Variants in DNAH10 observed in about 807,000 individuals in gnomAD.
DNAH10 encodes the protein dynein axonemal heavy chain 10, also known as axonemal beta dynein heavy chain 10.
DNAH10 carries 348 observed loss-of-function variants against 506.6 expected under a neutral mutation model. The ratio of observed to expected loss-of-function variants is 0.69; its 90% CI spans 0.63 to 0.75. The LOEUF (loss-of-function observed/expected upper bound fraction) is 0.75. DNAH10 is among the 30% of genes least tolerant of loss of function. The pLI is 0.00. For synonymous variants in DNAH10, 2,059 were observed against 2,198.6 expected (o/e 0.94, Z 1.78); for missense variants, 5,179 against 5,787.1 (o/e 0.89, Z 3.41).
chr12:123,865,275 A>C (rs974730067), intron 40 of DNAH10, among the ~76,000 whole-genome samples: 2 of 149,962 alleles, frequency 1.3e-5, no homozygotes, highest in Non-Finnish European at 3.0e-5. Flanking sequence ...TTTTTTTTTT[A>C]AACTTTCTAT....
At chr12:123,883,474 A>G (rs561358293) in intron 51 of DNAH10, among the ~76,000 whole-genome samples, 1 of 152,224 alleles carries the variant, frequency 6.6e-6, no homozygotes, top group East Asian at 1.9e-4. Flanking sequence ...CATGTCCCTC[A>G]TTCACCCTTT....
Position 123,929,415 on chromosome 12 carries a change from G to A in DNAH10, c.12447G>A (p.Val4149=), listed in dbSNP as rs556556549. The A allele has an allele frequency of 1.2e-6, 2 of 1,613,576 alleles. No homozygotes were observed. The highest frequency in any genetic ancestry group is 1.7e-6 in the Non-Finnish European group (2 of 1,179,802). ...TGCTGGCGTTCTTTCATGCTGTGGT[G>A]CAGGAGAGAAGGAAGTTTGGGAAGA... ...VYVLAFFHAV[V]QERRKFGKIG... is the part of the protein sequence containing the mutation. Residue 4149 remains valine, a synonymous_variant, in exon 71 of 79, where the codon GTG becomes GTA. Transcript: ENST00000673944.
At chr12:123,835,740 TCAGCCTCCCAAG>T (rs1264454887) in intron 28 of DNAH10, among the ~76,000 whole-genome samples, 3 of 152,166 alleles carry the variant, frequency 2.0e-5, no homozygotes, top group African/African-American at 7.2e-5. Flanking sequence ...TCCTCCTAAC[TCAGCCTCCCAAG>T]CAGCTGGGAC....
chr12:123,908,481 ACTTCTGT>A (rs1439039062), intron 57 of DNAH10: 1 of 454,976 alleles, frequency 2.2e-6, no homozygotes, highest in African/African-American at 2.0e-5. Context: ...GTTCTCTTCC[ACTTCTGT>A]CTTTCCATGG....
chr12:123,876,732 A>G (rs890161357), intron 47 of DNAH10, among the ~76,000 whole-genome samples: 1 of 152,182 alleles, frequency 6.6e-6, no homozygotes, highest in African/African-American at 2.4e-5. Flanking sequence ...GAGGCTGAGG[A>G]GAGCGGATCA....
chr12:123,877,426 C>T (rs912458690), intron 47 of DNAH10, among the ~76,000 whole-genome samples: 1 of 152,144 alleles, frequency 6.6e-6, no homozygotes, highest in East Asian at 1.9e-4. Context: ...ATTCTCCTGC[C>T]TCAGCCTCCT....
chr12:123,910,697 A>C (rs1419756979), intron 59 of DNAH10, 25 bp downstream of exon 59: 2 of 1,610,948 alleles, frequency 1.2e-6, no homozygotes, highest in Middle Eastern at 1.7e-4. Flanking sequence ...TAAGACTGCC[A>C]CACCACTGCC....
rs184144655 is a variant in DNAH10, at chr12:123,816,550, G to C, written c.3781-2400G>C. On this transcript the variant is annotated intron_variant, in intron 21 of 78. Coordinates refer to ENST00000673944, the MANE Select transcript of DNAH10 (RefSeq NM_001372106.1). ...CCCAACCCCATACCTTAGCTTATGC[G>C]TCTCTTTCGTTTGGCTGTTCCTGAG... Among the ~76,000 whole-genome samples, 39 of 152,284 alleles carry C rather than the reference G, an allele frequency of 2.6e-4. No individual in the cohort carries two copies. In the East Asian group the frequency reaches 5.0e-3, roughly 20 times the overall value.
Position 123,833,210 on chromosome 12 carries a change from G to C in DNAH10, c.4642G>C (p.Val1548Leu). 1 of 1,613,880 alleles carries C rather than the reference G, an allele frequency of 6.2e-7. No homozygotes were observed. The highest frequency in any genetic ancestry group is 8.5e-7 in the Non-Finnish European group (1 of 1,179,864). The change falls in exon 27 of 79, where the codon GTT becomes CTT. Residue 1548 changes from valine (V) to leucine (L), a missense_variant. By Grantham distance (32) the Val-to-Leu change is conservative (BLOSUM62 1). Transcript: ENST00000673944. Reference protein sequence around the residue: ...TQERGYILGSVDEIIQSLDDN... With the variant: ...TQERGYILGSLDEIIQSLDDN... ...GGAGCGAGGCTACATCCTGGGTTCT[G>C]TTGACGAAATTATTCAGTCTCTTGA...
chr12:123,873,760 G>A, intron 46 of DNAH10, 50 bp downstream of exon 46: 1 of 1,539,468 alleles, frequency 6.5e-7, no homozygotes, highest in Non-Finnish European at 8.8e-7. Flanking sequence ...CAGTGCTTGT[G>A]TTTGCATGGG....
rs533301999 is a variant in DNAH10, at chr12:123,805,051, C to T, written c.2987+11C>T. On this transcript the variant is annotated intron_variant, in intron 18 of 78. Coordinates refer to ENST00000673944, the MANE Select transcript of DNAH10 (RefSeq NM_001372106.1). ...AAAGCTCATCCTGAAGTAAGTTCATCTTGTTGCATGCTTTAAAATGGTGTG... is the reference window on the plus strand; with the variant it reads ...AAAGCTCATCCTGAAGTAAGTTCATTTTGTTGCATGCTTTAAAATGGTGTG... 1 of 1,613,236 alleles carries T rather than the reference C, an allele frequency of 6.2e-7. No individual in the cohort carries two copies. The highest frequency in any genetic ancestry group is 8.5e-7 in the Non-Finnish European group (1 of 1,179,402).
chr12:123,909,119 G>T lies in DNAH10; in HGVS notation c.9816-142G>T. ...CCCGCCCAGGAGTGCGGTTTGTGTT[G>T]GGACCTGGCTTCTTTCGTTTGCTTG... On this transcript the variant is annotated intron_variant, in intron 57 of 78. Coordinates refer to ENST00000673944, the MANE Select transcript of DNAH10 (RefSeq NM_001372106.1). This position sits in a 1 kb window ranked among gnomAD's most constrained non-coding sequence, Gnocchi z 5.4. 1.7e-6 allele frequency: 2 copies of T among 1,155,244 alleles called. No individual in the cohort carries two copies. The highest frequency in any genetic ancestry group is 2.4e-6 in the Non-Finnish European group (2 of 820,044). 71.6% of individuals were successfully genotyped at this position (1,155,244 alleles called of 1,614,324 possible).
chr12:123,826,113 C>A (rs1029030160), intron 24 of DNAH10, among the ~76,000 whole-genome samples: 4 of 151,708 alleles, frequency 2.6e-5, no homozygotes, highest in African/African-American at 9.7e-5. Context: ...GGCAGCGAGA[C>A]CCTGTCTCCA....
At chr12:123,871,392 T>C (rs1366446019) in intron 44 of DNAH10, 65 bp from the exon 45 acceptor site, 11 of 1,539,826 alleles carry the variant, frequency 7.1e-6, no homozygotes, top group Non-Finnish European at 2.6e-6. Flanking sequence ...GACAACTCCA[T>C]GTTGCCCCCA....
In DNAH10 at chr12:123,903,983, T is replaced by G. The variant is rs1489390746; in HGVS notation, c.9815+870T>G. Among the ~76,000 whole-genome samples the G allele has an allele frequency of 6.6e-6, 1 of 152,200 alleles. No homozygotes were observed. Among genetic ancestry groups the G allele is most frequent in the African/African-American group, 2.4e-5 (1 of 41,462 alleles). ...TCAGTAATGGGCTTCCATTCTGGGC[T>G]CCCGCTGGAGCGGTGCATGTTCCCT... On this transcript the variant is annotated intron_variant, in intron 57 of 78. Coordinates refer to ENST00000673944, the MANE Select transcript of DNAH10 (RefSeq NM_001372106.1). This position sits in a 1 kb window ranked among gnomAD's most constrained non-coding sequence, Gnocchi z 4.6.
intron 19 of DNAH10, 52 bp downstream of exon 19, chr12:123,809,005 C>T: frequency 6.2e-7 from 1 of 1,601,384 alleles, no homozygotes; most frequent in Non-Finnish European, 8.5e-7. Context: ...CAGGATGCCT[C>T]CGCCTCCCAA....
rs371799454 is a variant in DNAH10, at chr12:123,799,223, C to G, written c.2164-23C>G. 7 of 1,583,808 alleles carry G rather than the reference C, an allele frequency of 4.4e-6. No individual in the cohort carries two copies. The South Asian group carries it at 6.9e-5, about 16-fold the overall frequency. On this transcript the variant is annotated intron_variant, in intron 13 of 78. Transcript: ENST00000673944. ...AATGTTATTTTCAAGGACAAAATGA[C>G]GGTTGCTTGAATTCTTTGATAGGTC... is the stretch of plus-strand genomic sequence containing the variant.
At chr12:123,766,694 A>G (rs1000327262) in intron 1 of DNAH10, among the ~76,000 whole-genome samples, 3 of 151,488 alleles carry the variant, frequency 2.0e-5, no homozygotes, top group African/African-American at 7.3e-5. Flanking sequence ...GTGGTCTTTT[A>G]CAATTTGAGT....
rs529084741 is a variant in DNAH10 at position 123,925,421 on chromosome 12, G to A, written c.11921+217G>A. On this transcript the variant is annotated intron_variant, in intron 68 of 78. Transcript: ENST00000673944. The surrounding 1 kb of genome is among the most constrained non-coding windows in gnomAD (Gnocchi z 4.0). ...CAGTGTGAGCCACATATGCAGTTTC[G>A]AAAGTTCTAGTAGCTACATTAGAAA... The A allele has an allele frequency of 4.5e-5, 22 of 485,642 alleles. No homozygotes were observed. Among genetic ancestry groups the A allele is most frequent in the Middle Eastern group, 5.4e-4 (1 of 1,856 alleles). 30.1% of individuals were successfully genotyped at this position (485,642 alleles called of 1,614,324 possible). A position where few individuals can be genotyped will look rare whatever the true frequency, so the allele number is the denominator to read the frequency against.
Sources: allele counts gnomAD v4.1 joint callset (sites outside exome capture counted in the v4.1 genomes callset), GRCh38; gene constraint gnomAD v4.1.1; non-coding constraint Gnocchi (gnomAD v3.1); transcripts MANE v1.5; gene names NCBI Gene and HGNC (gene_info 2026-07-23, HGNC 2026-07-21).